Variants in CIMAP2 observed in about 807,000 individuals in gnomAD.
CIMAP2 encodes ciliary microtubule-associated protein 2.
chr1:54,839,016 G>A, the CIMAP2 span, among the ~76,000 whole-genome samples: 1 of 152,192 alleles, frequency 6.6e-6, no homozygotes, highest in Non-Finnish European at 1.5e-5. Context: ...AGCTATGGAG[G>A]CCTGGGCCAT....
At chr1:54,806,176 C>T in the CIMAP2 span, 3 of 1,552,892 alleles carry the variant, frequency 1.9e-6, no homozygotes, top group Non-Finnish European at 2.6e-6. Context: ...GCTCCACGGC[C>T]ACCAAGTGGT....
the CIMAP2 span, among the ~76,000 whole-genome samples, chr1:54,808,308 G>C: frequency 6.6e-6 from 1 of 152,232 alleles, no homozygotes; most frequent in Non-Finnish European, 1.5e-5. Flanking sequence ...GGCAGTGATG[G>C]TGGTGCAATT....
chr1:54,828,275 T>C, the CIMAP2 span, among the ~76,000 whole-genome samples: 1 of 152,104 alleles, frequency 6.6e-6, no homozygotes, highest in South Asian at 2.1e-4. Flanking sequence ...TTTCGTCTTA[T>C]ACTGCAGCCA....
At chr1:54,842,074 C>A in the CIMAP2 span, 1 of 601,498 alleles carries the variant, frequency 1.7e-6, no homozygotes, top group Admixed American at 3.0e-5. Context: ...CAGCTGGGGA[C>A]AGGTATCTTT....
chr1:54,812,422 G>T, the CIMAP2 span, among the ~76,000 whole-genome samples: 2 of 152,224 alleles, frequency 1.3e-5, no homozygotes, highest in Non-Finnish European at 2.9e-5. Flanking sequence ...ACCCAAGGAC[G>T]TCTGTCTGAC....
chr1:54,835,329 C>A, the CIMAP2 span, among the ~76,000 whole-genome samples: 1 of 152,060 alleles, frequency 6.6e-6, no homozygotes, highest in Non-Finnish European at 1.5e-5. Flanking sequence ...GTAGCTGGGA[C>A]TACAGGTGTG....
chr1:54,828,105 C>A, the CIMAP2 span, among the ~76,000 whole-genome samples: 1 of 151,846 alleles, frequency 6.6e-6, no homozygotes, highest in Non-Finnish European at 1.5e-5. Flanking sequence ...AGCAATAAGA[C>A]AGGAAAAATA....
At chr1:54,821,652 C>T in the CIMAP2 span, among the ~76,000 whole-genome samples, 4 of 151,972 alleles carry the variant, frequency 2.6e-5, no homozygotes, top group Non-Finnish European at 4.4e-5. Flanking sequence ...TATTTTTTGG[C>T]AGCTATTGTA....
chr1:54,820,124 T>TTCTCTCTCTCTCTC, the CIMAP2 span, among the ~76,000 whole-genome samples: 9 of 89,990 alleles, frequency 1.0e-4, no homozygotes, highest in South Asian at 3.1e-4. Context: ...CTTTCTTTCT[T>TTCTCTCTCTCTCTC]TCTTTCTTTC....
chr1:54,839,529 C>T, the CIMAP2 span, among the ~76,000 whole-genome samples: 27 of 152,108 alleles, frequency 1.8e-4, no homozygotes, highest in African/African-American at 6.3e-4. Context: ...AGGCACCTGC[C>T]ACCACGCCCG....
chr1:54,815,936 G>T, the CIMAP2 span, among the ~76,000 whole-genome samples: 1 of 151,800 alleles, frequency 6.6e-6, no homozygotes, highest in East Asian at 1.9e-4. Flanking sequence ...TGGTGGCAAG[G>T]TCCTCAGTGT....
the CIMAP2 span, among the ~76,000 whole-genome samples, chr1:54,823,506 A>G: frequency 0.4 from 60,256 of 152,074 alleles, 12,711 homozygotes; most frequent in African/African-American, 0.53. Flanking sequence ...GCAGATAGTT[A>G]TCTTCTAGAC....
At chr1:54,833,056 A>G in the CIMAP2 span, among the ~76,000 whole-genome samples, 1 of 152,110 alleles carries the variant, frequency 6.6e-6, no homozygotes, top group African/African-American at 2.4e-5. Context: ...GACTGAATGG[A>G]CAGAGGAGCT....
At chr1:54,839,273 G>T in the CIMAP2 span, among the ~76,000 whole-genome samples, 3 of 152,106 alleles carry the variant, frequency 2.0e-5, no homozygotes, top group Non-Finnish European at 4.4e-5. Context: ...AGGCAGGAGA[G>T]GTGGTTCGGT....
chr1:54,818,321 T>A, the CIMAP2 span, among the ~76,000 whole-genome samples: 1 of 152,332 alleles, frequency 6.6e-6, no homozygotes, highest in East Asian at 1.9e-4. Flanking sequence ...CTGCTGCCTT[T>A]CAGATATCTC....
At chr1:54,828,365 C>A in the CIMAP2 span, among the ~76,000 whole-genome samples, 331 of 152,062 alleles carry the variant, frequency 2.2e-3, no homozygotes, top group African/African-American at 6.3e-3. Context: ...CCATCCAGGG[C>A]GGGGGTGCCA....
chr1:54,841,902 A>C, the CIMAP2 span: 1 of 1,546,188 alleles, frequency 6.5e-7, no homozygotes, highest in Non-Finnish European at 8.8e-7. Flanking sequence ...GCCTGCAGTG[A>C]CCAGAGAGCC....
chr1:54,811,369 G>A, the CIMAP2 span, among the ~76,000 whole-genome samples: 2 of 152,170 alleles, frequency 1.3e-5, no homozygotes, highest in African/African-American at 4.8e-5. Context: ...GATGACATGT[G>A]AGCTGGCTTT....
the CIMAP2 span, chr1:54,811,765 G>GCCCC: frequency 7.7e-7 from 1 of 1,301,328 alleles, no homozygotes; most frequent in Non-Finnish European, 1.1e-6. Flanking sequence ...GGTTCTGACA[G>GCCCC]CCTCCATGCC....
Sources: gnomAD v4.1 joint callset for allele counts (sites outside exome capture counted in the v4.1 genomes callset) on GRCh38, gnomAD v4.1.1 for gene constraint, MANE v1.5 for transcripts, NCBI Gene and HGNC (gene_info 2026-07-23, HGNC 2026-07-21) for gene names.